The following FBXO11 variants were observed in gnomAD, a reference collection of about 807,000 sequenced individuals.
FBXO11 encodes the protein F-box only protein 11.
A neutral mutation model predicts 117.0 loss-of-function variants in FBXO11; 13 were observed. That is an observed-to-expected ratio of 0.11 (90% CI 0.07 to 0.18). The LOEUF (loss-of-function observed/expected upper bound fraction) is 0.18. Among genes scored for constraint, FBXO11 ranks in the 10% least tolerant of loss-of-function variants. The pLI is 1.00. For synonymous variants in FBXO11, 490 were observed against 380.5 expected (o/e 1.29, Z -3.35); for missense variants, 767 against 1,164.4 (o/e 0.66, Z 4.97).
chr2:47,864,099 G>T (rs543122683), intron 1 of FBXO11, among the ~76,000 whole-genome samples: 82 of 152,306 alleles, frequency 5.4e-4, no homozygotes, highest in Non-Finnish European at 8.5e-4. Context: ...ATTTGGTCAT[G>T]TTTACAAAGG....
chr2:47,806,965 T>TTTTC lies in FBXO11; in HGVS notation c.*1149_*1152dup. 1.1e-6 allele frequency: 1 copy of TTTTC among 911,410 alleles called. No homozygotes were observed. The highest frequency in any genetic ancestry group is 2.0e-5 in the Admixed American group (1 of 50,232). 56.5% of individuals were successfully genotyped at this position (911,410 alleles called of 1,614,324 possible). On this transcript the variant is annotated 3_prime_UTR_variant, in exon 23 of 23. Transcript: ENST00000403359. ...TTTTTTAAAAATGACCATTTTTCCA[T>TTTTC]TTTCTTTCTAGGAAATTAAACCCTT...
At chr2:47,848,041 G>A (rs1329308408) in intron 1 of FBXO11, among the ~76,000 whole-genome samples, 2 of 150,888 alleles carry the variant, frequency 1.3e-5, no homozygotes, top group African/African-American at 4.9e-5. Flanking sequence ...GGAGAATGCT[G>A]TGAACCCGGG....
chr2:47,815,167 A>C (rs1187371103), intron 16 of FBXO11, among the ~76,000 whole-genome samples: 1 of 152,134 alleles, frequency 6.6e-6, no homozygotes, highest in East Asian at 1.9e-4. Flanking sequence ...TCCTGGCCAT[A>C]AAAACGTTTA....
chr2:47,823,439 G>T, intron 11 of FBXO11, 79 bp from the exon 12 acceptor site: 1 of 1,053,848 alleles, frequency 9.5e-7, no homozygotes, highest in Non-Finnish European at 1.4e-6. Context: ...ACATTTCAAT[G>T]CATATCTAAA....
intron 1 of FBXO11, among the ~76,000 whole-genome samples, chr2:47,858,072 C>A (rs968255247): frequency 1.3e-5 from 2 of 151,852 alleles, no homozygotes; most frequent in African/African-American, 4.8e-5. Context: ...TATAAAAGAG[C>A]GTAAACTAGA....
At chr2:47,810,136 G>C (rs1455654837) in intron 19 of FBXO11, 180 bp downstream of exon 19, 1 of 549,104 alleles carries the variant, frequency 1.8e-6, no homozygotes, top group Non-Finnish European at 3.2e-6. Context: ...TAGGAGTCTG[G>C]CTTAGAGTAG....
intron 11 of FBXO11, among the ~76,000 whole-genome samples, chr2:47,832,008 G>C (rs529432404): frequency 1.3e-5 from 2 of 152,182 alleles, no homozygotes; most frequent in East Asian, 3.9e-4. Context: ...TGGAAATTTT[G>C]ATTTATTAAA....
At chr2:47,810,619 G>C in intron 18 of FBXO11, 193 bp from the exon 19 acceptor site, 1 of 477,880 alleles carries the variant, frequency 2.1e-6, no homozygotes, top group Non-Finnish European at 3.7e-6. Context: ...TACAATGACA[G>C]GTAAGAGCAT....
At position 47,806,920 on chromosome 2, in the gene FBXO11, T is replaced by TTATG; in HGVS notation, c.*1194_*1197dup. ...ACAAAGGTGGTAAATTCAGACAACA[T>TTATG]TATGATCTAATAAACTTTATTTTTT... is the stretch of plus-strand genomic sequence containing the variant. On this transcript the variant is annotated 3_prime_UTR_variant, in exon 23 of 23. Coordinates refer to ENST00000403359, the MANE Select transcript of FBXO11 (RefSeq NM_001190274.2). The TTATG allele has an allele frequency of 8.2e-7, 1 of 1,216,068 alleles. No homozygotes were observed. Among genetic ancestry groups the TTATG allele is most frequent in the Admixed American group, 1.8e-5 (1 of 55,904 alleles). The allele number at this position is 1,216,068 out of a possible 1,614,324, so 75.3% of individuals were successfully genotyped here.
intron 11 of FBXO11, among the ~76,000 whole-genome samples, chr2:47,828,859 G>C (rs765430536): frequency 2.0e-5 from 3 of 152,136 alleles, no homozygotes; most frequent in Non-Finnish European, 4.4e-5. Context: ...AATAAGCTTA[G>C]CTTATTATTA....
chr2:47,852,503 T>C (rs1673948958), intron 1 of FBXO11, among the ~76,000 whole-genome samples: 1 of 152,222 alleles, frequency 6.6e-6, no homozygotes, highest in Non-Finnish European at 1.5e-5. Context: ...TTCAGGCCAT[T>C]AAAGTTAAGT....
intron 11 of FBXO11, among the ~76,000 whole-genome samples, chr2:47,827,233 A>G (rs1671822526): frequency 6.6e-6 from 1 of 152,204 alleles, no homozygotes; most frequent in African/African-American, 2.4e-5. Flanking sequence ...TGATTGACTT[A>G]TAGTTTTATA....
chr2:47,905,780 C>T lies in FBXO11; in HGVS notation c.-60G>A, dbSNP rs1678764509. 7.6e-7 allele frequency: 1 copy of T among 1,311,408 alleles called. No individual in the cohort carries two copies. The highest frequency in any genetic ancestry group is 1.6e-5 in the African/African-American group (1 of 62,012). The allele number at this position is 1,311,408 out of a possible 1,614,324, so 81.2% of individuals were successfully genotyped here. A position where few individuals can be genotyped will look rare whatever the true frequency, so the allele number is the denominator to read the frequency against. ...CACACACACGCACACGCACAGCGAG[C>T]TTCGGGGCAGGAGAAAGGGGTGGGG... is the stretch of plus-strand genomic sequence containing the variant. On this transcript the variant is annotated 5_prime_UTR_variant, in exon 1 of 23. Coordinates refer to ENST00000403359, the MANE Select transcript of FBXO11 (RefSeq NM_001190274.2).
chr2:47,810,517 A>G, intron 18 of FBXO11, 91 bp from the exon 19 acceptor site: 2 of 677,480 alleles, frequency 3.0e-6, no homozygotes, highest in Non-Finnish European at 4.7e-6. Flanking sequence ...TTAGTTTCTT[A>G]TTTAACTGCA....
intron 12 of FBXO11, 37 bp downstream of exon 12, chr2:47,823,106 G>A (rs758765948): frequency 6.7e-7 from 1 of 1,487,870 alleles, no homozygotes; most frequent in African/African-American, 1.4e-5. Context: ...ACCTTGAAGT[G>A]AAAAAGTAAT....
chr2:47,904,921 C>T (rs1678637307), intron 1 of FBXO11, among the ~76,000 whole-genome samples: 1 of 151,958 alleles, frequency 6.6e-6, no homozygotes. Flanking sequence ...ACCCCGTGAC[C>T]AGGGACGGGG....
At chr2:47,877,835 C>T (rs1047305689) in intron 1 of FBXO11, among the ~76,000 whole-genome samples, 3 of 152,196 alleles carry the variant, frequency 2.0e-5, no homozygotes, top group African/African-American at 7.2e-5. Context: ...CAGGCGCGTG[C>T]CAACACGCCC....
At chr2:47,884,734 A>G (rs985241963) in intron 1 of FBXO11, among the ~76,000 whole-genome samples, 2 of 152,152 alleles carry the variant, frequency 1.3e-5, no homozygotes, top group Admixed American at 6.5e-5. Context: ...AAGCTTTTAC[A>G]TGGGAGATGA....
At position 47,807,850 on chromosome 2, in the gene FBXO11, T is replaced by C. The variant is rs763637043; in HGVS notation, c.*268A>G. 2.5e-5 allele frequency: 8 copies of C among 318,380 alleles called. No homozygotes were observed. Among genetic ancestry groups the C allele is most frequent in the Non-Finnish European group, 2.9e-5 (5 of 171,412 alleles). 19.7% of individuals were successfully genotyped at this position (318,380 alleles called of 1,614,324 possible). On this transcript the variant is annotated 3_prime_UTR_variant, in exon 23 of 23. Coordinates refer to ENST00000403359, the MANE Select transcript of FBXO11 (RefSeq NM_001190274.2). Reference sequence around the variant, plus strand: ...AACACCAGCTTTTCAGAAGTTGGTATCTGTACAAAATTGCAGCTTATTTTC... The same window carrying C: ...AACACCAGCTTTTCAGAAGTTGGTACCTGTACAAAATTGCAGCTTATTTTC...
Sources: gnomAD v4.1 joint callset for allele counts (sites outside exome capture counted in the v4.1 genomes callset) on GRCh38, gnomAD v4.1.1 for gene constraint, MANE v1.5 for transcripts, NCBI Gene and HGNC (gene_info 2026-07-23, HGNC 2026-07-21) for gene names.